The following C1orf185 variants were observed in gnomAD, a reference collection of about 807,000 sequenced individuals.
C1orf185 encodes the protein chromosome 1 open reading frame 185.
A neutral mutation model predicts 16.1 loss-of-function variants in C1orf185; 13 were observed. The observed-to-expected ratio is 0.81, with a 90% CI of 0.53 to 1.28. C1orf185 has a LOEUF of 1.28. Ranked by LOEUF, C1orf185 falls within the 50% of genes most tolerant of loss-of-function variation. C1orf185 has a pLI of 0.00. For synonymous variants in C1orf185, 80 were observed against 76.9 expected (o/e 1.04, Z -0.21); for missense variants, 220 against 225.2 (o/e 0.98, Z 0.15).
At chr1:51,126,367 G>A (rs756709627) in intron 3 of C1orf185, among the ~76,000 whole-genome samples, 26 of 151,992 alleles carry the variant, frequency 1.7e-4, no homozygotes, top group Non-Finnish European at 3.7e-4. Flanking sequence ...GGACTCAAAG[G>A]ATCCTCCTAC....
intron 3 of C1orf185, among the ~76,000 whole-genome samples, chr1:51,123,928 T>C (rs1038925035): frequency 6.6e-6 from 1 of 151,422 alleles, no homozygotes; most frequent in African/African-American, 2.4e-5. Flanking sequence ...ATATATTTTA[T>C]ACACACATGT....
intron 3 of C1orf185, among the ~76,000 whole-genome samples, chr1:51,136,165 A>C (rs1423379009): frequency 6.6e-6 from 1 of 152,206 alleles, no homozygotes; most frequent in African/African-American, 2.4e-5. Context: ...AGATGACACA[A>C]GCAAATGGAA....
intron 4 of C1orf185, among the ~76,000 whole-genome samples, chr1:51,146,626 T>C (rs1646402796): frequency 1.3e-5 from 2 of 152,098 alleles, no homozygotes; most frequent in African/African-American, 4.8e-5. Flanking sequence ...CTAAATACTA[T>C]AATGGGAAAA....
chr1:51,120,841 T>C (rs1038293437), intron 3 of C1orf185, among the ~76,000 whole-genome samples: 1 of 152,166 alleles, frequency 6.6e-6, no homozygotes, highest in Non-Finnish European at 1.5e-5. Flanking sequence ...ATGCCAGGCA[T>C]TGTATTAGGT....
chr1:51,109,370 C>T (rs72892450), intron 1 of C1orf185, among the ~76,000 whole-genome samples: 10,962 of 152,168 alleles, frequency 0.072, 1,182 homozygotes, highest in African/African-American at 0.23. Flanking sequence ...GTTGTCTCTT[C>T]GCTTTGTTGG....
chr1:51,139,629 T>C (rs1646350298), intron 3 of C1orf185, among the ~76,000 whole-genome samples: 1 of 152,198 alleles, frequency 6.6e-6, no homozygotes, highest in African/African-American at 2.4e-5. Flanking sequence ...TTCACAGTGT[T>C]GTGTGACAAG....
chr1:51,138,990 T>C (rs923060287), intron 3 of C1orf185, among the ~76,000 whole-genome samples: 2 of 152,144 alleles, frequency 1.3e-5, no homozygotes, highest in Non-Finnish European at 2.9e-5. Context: ...GCCCAGGCCA[T>C]GATGTCTTTT....
rs114349078 is a variant in C1orf185 at position 51,109,646 on chromosome 1, T to A, written c.17-2818T>A. Among the ~76,000 whole-genome samples, 663 of 152,212 alleles carry A rather than the reference T, an allele frequency of 4.4e-3. 5 individuals are homozygous for A. The highest frequency in any genetic ancestry group is 0.015 in the African/African-American group (610 of 41,542). The stretch of plus-strand genomic sequence containing the variant: ...GATAGCCAGTTTTCCCCACAAGAGG[T>A]TGTTCTTTCTCCGGTGAGTGTTCCT... On this transcript the variant is annotated intron_variant, in intron 1 of 4. Coordinates refer to ENST00000371759, the MANE Select transcript of C1orf185 (RefSeq NM_001136508.2).
intron 3 of C1orf185, among the ~76,000 whole-genome samples, chr1:51,119,652 T>C (rs1036717930): frequency 2.0e-5 from 3 of 152,128 alleles, no homozygotes; most frequent in Non-Finnish European, 4.4e-5. Flanking sequence ...AATAAAAAAG[T>C]AGTTGGATGT....
chr1:51,108,386 G>T (rs1646089131), intron 1 of C1orf185, among the ~76,000 whole-genome samples: 2 of 151,912 alleles, frequency 1.3e-5, no homozygotes, highest in Admixed American at 6.6e-5. Flanking sequence ...TCAAACCAGG[G>T]TTATTGGGCT....
At chr1:51,110,427 T>C (rs935647123) in intron 1 of C1orf185, among the ~76,000 whole-genome samples, 9 of 152,156 alleles carry the variant, frequency 5.9e-5, no homozygotes, top group African/African-American at 2.2e-4. Context: ...ACTAATTAAT[T>C]CCTGAATGTA....
chr1:51,117,701 C>T (rs1557645321), intron 2 of C1orf185, among the ~76,000 whole-genome samples: 1 of 152,120 alleles, frequency 6.6e-6, no homozygotes, highest in Non-Finnish European at 1.5e-5. Flanking sequence ...TCATTTCTTT[C>T]TTTTCAATAC....
Position 51,122,497 on chromosome 1 carries a change from C to T in C1orf185, c.258+3696C>T, listed in dbSNP as rs187842989. ...AAACTGAGCAGAAAGTACAGAGTCC[C>T]ACTATATTCTTTCCCCCACACAGGC... On this transcript the variant is annotated intron_variant, in intron 3 of 4. Coordinates refer to ENST00000371759, the MANE Select transcript of C1orf185 (RefSeq NM_001136508.2). Among the ~76,000 whole-genome samples, 85 of 152,274 alleles carry T rather than the reference C, an allele frequency of 5.6e-4. 1 individual carries two copies. The East Asian group carries it at 0.016, about 28-fold the overall frequency.
chr1:51,112,816 C>CTT (rs202031236), intron 2 of C1orf185, among the ~76,000 whole-genome samples: 43 of 142,806 alleles, frequency 3.0e-4, no homozygotes, highest in African/African-American at 8.7e-4. Flanking sequence ...ACTTTCTTTT[C>CTT]TTTTTTTTTT....
chr1:51,148,838 G>C (rs1332398627), downstream of C1orf185, among the ~76,000 whole-genome samples: 1 of 152,136 alleles, frequency 6.6e-6, no homozygotes, highest in Non-Finnish European at 1.5e-5. Context: ...GAGGTGGGAG[G>C]ATCATTTGAG....
intron 3 of C1orf185, among the ~76,000 whole-genome samples, chr1:51,141,836 A>C (rs1239348177): frequency 6.6e-6 from 1 of 151,810 alleles, no homozygotes; most frequent in South Asian, 2.1e-4. Context: ...TATATATATA[A>C]TTTTTTTTCT....
At chr1:51,137,232 G>A (rs1358458794) in intron 3 of C1orf185, among the ~76,000 whole-genome samples, 1 of 152,068 alleles carries the variant, frequency 6.6e-6, no homozygotes, top group African/African-American at 2.4e-5. Context: ...AGTCAGAATG[G>A]CTGTTACTAA....
At chr1:51,131,454 A>G (rs2148024452) in intron 3 of C1orf185, among the ~76,000 whole-genome samples, 1 of 151,926 alleles carries the variant, frequency 6.6e-6, no homozygotes, top group South Asian at 2.1e-4. Flanking sequence ...CACTTTCTGG[A>G]GTTTCGTTTT....
At chr1:51,128,760 C>T (rs541132501) in intron 3 of C1orf185, among the ~76,000 whole-genome samples, 8 of 152,190 alleles carry the variant, frequency 5.3e-5, no homozygotes, top group Non-Finnish European at 8.8e-5. Flanking sequence ...TGACTAAAGA[C>T]GGTGAGCTTG....
Sources: gnomAD v4.1 joint callset for allele counts (sites outside exome capture counted in the v4.1 genomes callset) on GRCh38, gnomAD v4.1.1 for gene constraint, MANE v1.5 for transcripts, NCBI Gene and HGNC (gene_info 2026-07-23, HGNC 2026-07-21) for gene names.